Variants in MYH3 observed in about 807,000 individuals in gnomAD.
The protein encoded by MYH3 is myosin-3.
A neutral mutation model predicts 238.0 loss-of-function variants in MYH3; 130 were observed. The observed-to-expected ratio is 0.55, with a 90% CI of 0.47 to 0.63. The LOEUF (loss-of-function observed/expected upper bound fraction) is 0.63, where lower values mean the gene tolerates loss of function less well. Among genes scored for constraint, MYH3 ranks in the 30% least tolerant of loss-of-function variants. The probability of loss-of-function intolerance (pLI) is 0.00; values close to 1 mark genes in which losing one functional copy is unlikely to be tolerated. For missense variants in MYH3, 1,853 were observed against 2,374.9 expected (o/e 0.78, Z 4.57); for synonymous variants, 880 against 924.1 (o/e 0.95, Z 0.86).
At position 10,635,810 on chromosome 17, in the gene MYH3, G is replaced by A. The variant is rs777829935; in HGVS notation, c.3900C>T (p.Ser1300=). 6 of 1,613,978 alleles carry A rather than the reference G, an allele frequency of 3.7e-6. No individual in the cohort carries two copies. In the South Asian group the frequency reaches 5.5e-5, roughly 15 times the overall value. Residue 1300 remains serine (S), a synonymous_variant, in exon 29 of 41, where the codon TCC becomes TCT. Coordinates refer to ENST00000583535, the MANE Select transcript of MYH3 (RefSeq NM_002470.4). ...AGGCTTGCTTGCTCCTGGAAAGTTG[G>A]GATACTATGCTTTCTTTTTCTTCCA... ...RQLEEKESIV[S]QLSRSKQAFT... is the part of the protein sequence containing the mutation.
At chr17:10,644,013 A>G (rs1056097768) in intron 14 of MYH3, among the ~76,000 whole-genome samples, 1 of 152,080 alleles carries the variant, frequency 6.6e-6, no homozygotes, top group Non-Finnish European at 1.5e-5. Context: ...TACAAAAATT[A>G]GCCAGGCATG....
At chr17:10,635,610 G>T (rs1477629200) in intron 29 of MYH3, 47 bp from the exon 30 acceptor site, 1 of 1,614,084 alleles carries the variant, frequency 6.2e-7, no homozygotes. Flanking sequence ...TTAGTGCCAG[G>T]TGCATGATAC....
intron 28 of MYH3, among the ~76,000 whole-genome samples, chr17:10,636,746 T>G (rs531126881): frequency 3.2e-4 from 48 of 152,166 alleles, no homozygotes; most frequent in African/African-American, 9.6e-4. Context: ...AAACCCTGTC[T>G]CTACTAAAAA....
At chr17:10,668,411 C>G in the MYH3 span, among the ~76,000 whole-genome samples, 1 of 152,106 alleles carries the variant, frequency 6.6e-6, no homozygotes, top group Non-Finnish European at 1.5e-5. Context: ...ACCTACCTAT[C>G]TTTCTATCTA....
the MYH3 span, among the ~76,000 whole-genome samples, chr17:10,671,968 T>C: frequency 3.3e-5 from 5 of 152,270 alleles, no homozygotes; most frequent in South Asian, 6.2e-4. Context: ...ATAGTAACTC[T>C]TTGTTATATA....
At chr17:10,670,842 C>T in the MYH3 span, among the ~76,000 whole-genome samples, 47,053 of 151,948 alleles carry the variant, frequency 0.31, 7,992 homozygotes, top group African/African-American at 0.45. This position sits in a 1 kb window ranked among gnomAD's most constrained non-coding sequence, Gnocchi z 7.0. Context: ...AATGGTTCTA[C>T]GGTACCCCAC....
At chr17:10,663,431 G>A in the MYH3 span, among the ~76,000 whole-genome samples, 27 of 152,182 alleles carry the variant, frequency 1.8e-4, 1 homozygote, top group Admixed American at 1.7e-3. Context: ...GTGGGGCCCT[G>A]TGGAGCAGGA....
rs909880651 is a variant in MYH3 at position 10,640,117 on chromosome 17, T to C, written c.2561A>G (p.Lys854Arg). 5 of 1,614,112 alleles carry C rather than the reference T, an allele frequency of 3.1e-6. No individual in the cohort carries two copies. Among genetic ancestry groups the C allele is most frequent in the Middle Eastern group, 1.6e-4 (1 of 6,082 alleles). Residue 854 changes from lysine to arginine, a missense_variant, in exon 22 of 41, where the codon AAG becomes AGG. By Grantham distance (26) the Lys-to-Arg change is conservative. Transcript: ENST00000583535. ...ATCTTTGGTTTTCTGGAATTCTTCCTTCATGGTGGCCATCTCTTTCTCAGT... is the reference window on the plus strand; with the variant it reads ...ATCTTTGGTTTTCTGGAATTCTTCCCTCATGGTGGCCATCTCTTTCTCAGT... Reference protein sequence around the residue: ...AETEKEMATMKEEFQKTKDEL... With the variant: ...AETEKEMATMREEFQKTKDEL...
Position 10,628,610 on chromosome 17 carries a change from T to C in MYH3, c.*43A>G. ...TATCAATGGTCAGGAATCAAGAAAA[T>C]ATACATTTTGCATATCTTCTGTCCT... On this transcript the variant is annotated 3_prime_UTR_variant, in exon 41 of 41. Coordinates refer to ENST00000583535, the MANE Select transcript of MYH3 (RefSeq NM_002470.4). 1.9e-6 allele frequency: 3 copies of C among 1,607,068 alleles called. No individual in the cohort carries two copies. Among genetic ancestry groups the C allele is most frequent in the Non-Finnish European group, 1.7e-6 (2 of 1,173,716 alleles).
chr17:10,632,542 C>T lies in MYH3; in HGVS notation c.4890G>A (p.Leu1630=), dbSNP rs761304967. 1.9e-6 allele frequency: 3 copies of T among 1,614,190 alleles called. No homozygotes were observed. In the East Asian group the frequency reaches 6.7e-5, roughly 36 times the overall value. The stretch of plus-strand genomic sequence containing the variant: ...CCGCCGCCTGGCGGTTGGCGTGGCT[C>T]AGCTGGATCTCGATTTCATTCAGGT... ...EGDLNEIEIQ[L]SHANRQAAET... Residue 1630 remains leucine, a synonymous_variant, in exon 34 of 41, where the codon CTG becomes CTA. Coordinates refer to ENST00000583535, the MANE Select transcript of MYH3 (RefSeq NM_002470.4).
chr17:10,659,506 T>C (rs1011227692), upstream of MYH3, among the ~76,000 whole-genome samples: 1 of 152,198 alleles, frequency 6.6e-6, no homozygotes, highest in South Asian at 2.1e-4. Context: ...TTTTCAGTAA[T>C]ATAGACATCA....
At position 10,629,569 on chromosome 17, in the gene MYH3, G is replaced by C. The variant is rs2074131350; in HGVS notation, c.5796+28C>G. On this transcript the variant is annotated intron_variant, in intron 40 of 40. Transcript: ENST00000583535. ...TAAGAAGTTTCTACAGTCCCTGGGG[G>C]GGGGCTCCTCCCAGCTCAGCGACTC... 4.3e-6 allele frequency: 7 copies of C among 1,612,278 alleles called. No homozygotes were observed. In the East Asian group the frequency reaches 1.1e-4, roughly 26 times the overall value.
intron 40 of MYH3, among the ~76,000 whole-genome samples, chr17:10,629,188 C>T (rs1446876959): frequency 6.6e-6 from 1 of 152,032 alleles, no homozygotes; most frequent in South Asian, 2.1e-4. Context: ...GCCGCCCCCA[C>T]CCCCGGAAAG....
chr17:10,677,623 T>C, the MYH3 span: 5 of 152,178 alleles, frequency 3.3e-5, no homozygotes, highest in African/African-American at 1.2e-4. Flanking sequence ...AGTCAGTAAA[T>C]CTCACCTCTT....
intron 32 of MYH3, 91 bp from the exon 33 acceptor site, chr17:10,633,806 T>G: frequency 1.9e-6 from 3 of 1,569,172 alleles, no homozygotes; most frequent in Non-Finnish European, 2.6e-6. Flanking sequence ...TTACCTGGTT[T>G]ATTATAATCC....
At chr17:10,630,236 G>A (rs768511404) in intron 37 of MYH3, 40 bp from the exon 38 acceptor site, 7 of 1,613,348 alleles carry the variant, frequency 4.3e-6, no homozygotes, top group Admixed American at 1.7e-5. Flanking sequence ...GGGCTGCAGC[G>A]TGATTGGGAG....
intron 36 of MYH3, 41 bp downstream of exon 36, chr17:10,631,570 A>C: frequency 6.2e-7 from 1 of 1,614,074 alleles, no homozygotes; most frequent in Non-Finnish European, 8.5e-7. Context: ...AATGCAATGC[A>C]ATCCCGGCAG....
In MYH3 at chr17:10,652,858, T is replaced by A. The variant is rs190790057; in HGVS notation, c.205-295A>T. ...GGATGGTCTCGATCTCCTGACCTCG[T>A]GATCCACCCGCCTCAGCCTCCCAAA... On this transcript the variant is annotated intron_variant, in intron 3 of 40. Coordinates refer to ENST00000583535, the MANE Select transcript of MYH3 (RefSeq NM_002470.4). Among the ~76,000 whole-genome samples the A allele has an allele frequency of 4.1e-4, 62 of 152,004 alleles. No homozygotes were observed. In the East Asian group the frequency reaches 0.011, roughly 27 times the overall value.
In MYH3 at chr17:10,637,914, G is replaced by A. The variant is rs1449708494; in HGVS notation, c.3751C>T (p.Arg1251Ter). 5 of 1,613,910 alleles carry A rather than the reference G, an allele frequency of 3.1e-6. No homozygotes were observed. Among genetic ancestry groups the A allele is most frequent in the South Asian group, 2.2e-5 (2 of 91,064 alleles). The change falls in exon 28 of 41, where the codon CGA (arginine) becomes TGA (stop). Residue 1251 changes from arginine (R) to a stop codon, truncating the protein, a stop_gained. Coordinates refer to ENST00000583535, the MANE Select transcript of MYH3 (RefSeq NM_002470.4). LOFTEE classifies it high-confidence loss of function. Reference sequence around the variant, plus strand: ...TCACTTAACTGATCCTCCAGGGTTCGGCAGATTTTTTCCAGATTTGCCTGA... The same window carrying A: ...TCACTTAACTGATCCTCCAGGGTTCAGCAGATTTTTTCCAGATTTGCCTGA... Reference protein sequence around the residue: ...KSKANLEKICRTLEDQLSEAR... With the variant: ...KSKANLEKIC
Sources: gnomAD v4.1 joint callset for allele counts (sites outside exome capture counted in the v4.1 genomes callset) on GRCh38, gnomAD v4.1.1 for gene constraint, Gnocchi (gnomAD v3.1) non-coding constraint, MANE v1.5 for transcripts, NCBI Gene and HGNC (gene_info 2026-07-23, HGNC 2026-07-21) for gene names.